GXYLT2: variants seen among roughly 807,000 people sequenced by gnomAD.
The protein encoded by GXYLT2 is glucoside xylosyltransferase 2.
A neutral mutation model predicts 45.8 loss-of-function variants in GXYLT2; 53 were observed. The ratio of observed to expected loss-of-function variants is 1.16; its 90% CI spans 0.93 to 1.46. The LOEUF is 1.46. Among genes scored for constraint, GXYLT2 ranks in the 40% most tolerant of loss-of-function variants. The pLI is 0.00. For synonymous variants in GXYLT2, 219 were observed against 214.2 expected (o/e 1.02, Z -0.19); for missense variants, 551 against 544.4 (o/e 1.01, Z -0.12).
chr3:72,949,159 A>G (rs975350259), intron 3 of GXYLT2, among the ~76,000 whole-genome samples: 1 of 152,122 alleles, frequency 6.6e-6, no homozygotes. Context: ...CAAATTTGTC[A>G]ACATAGTTCC....
intron 4 of GXYLT2, among the ~76,000 whole-genome samples, chr3:72,956,922 A>AAGGG (rs375506388): frequency 0.017 from 2,309 of 133,988 alleles, 39 homozygotes; most frequent in Middle Eastern, 0.046. Flanking sequence ...CACAGGAAGG[A>AAGGG]AGGGAGGGAG....
chr3:72,908,477 A>G lies in GXYLT2; in HGVS notation c.386A>G (p.Lys129Arg). The G allele has an allele frequency of 6.2e-7, 1 of 1,613,982 alleles. No homozygotes were observed. Among genetic ancestry groups the G allele is most frequent in the East Asian group, 2.2e-5 (1 of 44,882 alleles). ...CTGGAGGAGACGCTGGTCATGCTCA[A>G]ATCAGCTGTGCTTTTTAGCCACAGG... Reference protein sequence around the residue: ...NRLEETLVMLKSAVLFSHRKI... With the variant: ...NRLEETLVMLRSAVLFSHRKI... The change falls in exon 2 of 7, where the codon AAA (lysine) becomes AGA (arginine). Residue 129 changes from lysine (K) to arginine (R), a missense_variant. Coordinates refer to ENST00000389617, the MANE Select transcript of GXYLT2 (RefSeq NM_001080393.2).
intron 2 of GXYLT2, among the ~76,000 whole-genome samples, chr3:72,914,740 A>C (rs1021738380): frequency 2.0e-5 from 3 of 148,808 alleles, no homozygotes; most frequent in Non-Finnish European, 4.4e-5. Flanking sequence ...GGCTTGTGGT[A>C]GGCTCTAACA....
chr3:72,944,897 G>GACT (rs769501310), intron 3 of GXYLT2, among the ~76,000 whole-genome samples: 27 of 152,218 alleles, frequency 1.8e-4, no homozygotes, highest in Non-Finnish European at 3.1e-4. Flanking sequence ...CAGAGGCCTA[G>GACT]AGGGTGACGT....
In GXYLT2 at chr3:72,975,184, T is replaced by G; in HGVS notation, c.*25T>G. The G allele has an allele frequency of 6.3e-7, 1 of 1,581,812 alleles. No homozygotes were observed. Among genetic ancestry groups the G allele is most frequent in the South Asian group, 1.1e-5 (1 of 88,816 alleles). On this transcript the variant is annotated 3_prime_UTR_variant, in exon 7 of 7. Transcript: ENST00000389617. The stretch of plus-strand genomic sequence containing the variant: ...AATATTTTGTCTTGTTGCAAGTCAA[T>G]TAGGTGTCTTGTGACCAAGGAAATA...
intron 3 of GXYLT2, among the ~76,000 whole-genome samples, chr3:72,950,492 G>A (rs910897837): frequency 5.3e-5 from 8 of 151,976 alleles, no homozygotes; most frequent in Middle Eastern, 3.4e-3. Context: ...TTAGCTGGCC[G>A]CGGTAACTCA....
At chr3:72,972,604 G>A (rs972599352) in intron 6 of GXYLT2, among the ~76,000 whole-genome samples, 18 of 135,438 alleles carry the variant, frequency 1.3e-4, no homozygotes, top group South Asian at 1.2e-3. Flanking sequence ...TCGCACCACT[G>A]CAGTCCAGCC....
chr3:72,936,629 G>A (rs1285269129), intron 3 of GXYLT2, among the ~76,000 whole-genome samples: 1 of 151,212 alleles, frequency 6.6e-6, no homozygotes, highest in Non-Finnish European at 1.5e-5. Context: ...GACAGAGTGA[G>A]ACTCCATCTC....
chr3:72,958,929 G>A (rs1393221815), intron 5 of GXYLT2, among the ~76,000 whole-genome samples: 1 of 147,680 alleles, frequency 6.8e-6, no homozygotes, highest in Non-Finnish European at 1.5e-5. Flanking sequence ...ACGGTGCCCA[G>A]GTATTTTTTT....
intron 5 of GXYLT2, 75 bp downstream of exon 5, chr3:72,957,427 G>A: frequency 7.0e-7 from 1 of 1,437,850 alleles, no homozygotes; most frequent in South Asian, 1.3e-5. Context: ...TCCATGCCCG[G>A]GTTGCTATTG....
In GXYLT2 at chr3:72,967,628, A is replaced by G. The variant is rs772637127; in HGVS notation, c.1058A>G (p.His353Arg). The change falls in exon 6 of 7, where the codon CAT (histidine) becomes CGT (arginine). Residue 353 changes from histidine to arginine, a missense_variant. His to Arg is a conservative substitution (Grantham distance 29). Transcript: ENST00000389617. ...MYGSNCREAE[H>R]EGVSVLHGNR... ...GGAAGCAACTGCAGAGAGGCTGAGC[A>G]TGAAGGTGTGTCTGTTCTGCATGGA... 10 of 1,613,956 alleles carry G rather than the reference A, an allele frequency of 6.2e-6. No individual in the cohort carries two copies. The Admixed American group carries it at 1.0e-4, about 16-fold the overall frequency.
Position 72,955,327 on chromosome 3 carries a change from G to C in GXYLT2, c.830G>C (p.Arg277Pro). Residue 277 changes from arginine (R) to proline (P), a missense_variant, in exon 4 of 7, where the codon CGG (arginine) becomes CCG (proline). Coordinates refer to ENST00000389617, the MANE Select transcript of GXYLT2 (RefSeq NM_001080393.2). Reference sequence around the variant, plus strand: ...GGAGTCATGTTAATGAATTTAACTCGGATAAGAAGTACCCAGTTCAAGGTA... The same window carrying C: ...GGAGTCATGTTAATGAATTTAACTCCGATAAGAAGTACCCAGTTCAAGGTA... Reference protein sequence around the residue: ...NSGVMLMNLTRIRSTQFKNSM... With the variant: ...NSGVMLMNLTPIRSTQFKNSM... 6 of 1,613,808 alleles carry C rather than the reference G, an allele frequency of 3.7e-6. No individual in the cohort carries two copies. Among genetic ancestry groups the C allele is most frequent in the Non-Finnish European group, 5.1e-6 (6 of 1,179,824 alleles).
At chr3:72,929,035 C>A in intron 3 of GXYLT2, 1 of 1,521,138 alleles carries the variant, frequency 6.6e-7, no homozygotes, top group Non-Finnish European at 9.0e-7. Context: ...TCTCCTTAGC[C>A]GCCGCCGTGA....
intron 3 of GXYLT2, among the ~76,000 whole-genome samples, chr3:72,945,859 A>G (rs1710392742): frequency 6.6e-6 from 1 of 152,224 alleles, no homozygotes; most frequent in Non-Finnish European, 1.5e-5. Flanking sequence ...CACTAATCAC[A>G]GTTTTAATAC....
At chr3:72,914,525 ATATGTG>A (rs886233592) in intron 2 of GXYLT2, among the ~76,000 whole-genome samples, 6 of 143,738 alleles carry the variant, frequency 4.2e-5, no homozygotes, top group African/African-American at 1.7e-4. Context: ...ATTTACATAT[ATATGTG>A]TGTGTGTGTG....
chr3:72,889,180 C>A lies in GXYLT2; in HGVS notation c.275+672C>A, dbSNP rs1367043766. Reference sequence around the variant, plus strand: ...CTCTTTCCCTACACAAAGCCTAACACGCGGAGGCTTTTCATCAGAGAGCTT... The same window carrying A: ...CTCTTTCCCTACACAAAGCCTAACAAGCGGAGGCTTTTCATCAGAGAGCTT... On this transcript the variant is annotated intron_variant, in intron 1 of 6. Coordinates refer to ENST00000389617, the MANE Select transcript of GXYLT2 (RefSeq NM_001080393.2). Among the ~76,000 whole-genome samples, 6 of 152,276 alleles carry A rather than the reference C, an allele frequency of 3.9e-5. No homozygotes were observed. In the East Asian group the frequency reaches 9.7e-4, roughly 24 times the overall value.
chr3:72,959,187 G>A (rs772678562), intron 5 of GXYLT2, among the ~76,000 whole-genome samples: 1 of 135,122 alleles, frequency 7.4e-6, no homozygotes, highest in African/African-American at 2.9e-5. Context: ...GCATGATCTC[G>A]GCTCACTGTA....
At chr3:72,951,396 T>C (rs1238389716) in intron 3 of GXYLT2, among the ~76,000 whole-genome samples, 1 of 152,192 alleles carries the variant, frequency 6.6e-6, no homozygotes, top group Non-Finnish European at 1.5e-5. Flanking sequence ...CTAATTATAC[T>C]TGACATTTTA....
chr3:72,897,881 T>C (rs1049380320), intron 1 of GXYLT2, among the ~76,000 whole-genome samples: 2 of 150,878 alleles, frequency 1.3e-5, no homozygotes, highest in African/African-American at 4.8e-5. Flanking sequence ...AGAACCTCTC[T>C]AGTTTTTTGT....
Sources: allele counts gnomAD v4.1 joint callset (sites outside exome capture counted in the v4.1 genomes callset), GRCh38; gene constraint gnomAD v4.1.1; transcripts MANE v1.5; gene names NCBI Gene and HGNC (gene_info 2026-07-23, HGNC 2026-07-21).